Variants in DCDC2C observed in about 807,000 individuals in gnomAD.
DCDC2C encodes doublecortin domain-containing protein 2C.
In DCDC2C, 44 loss-of-function variants were observed where a neutral mutation model predicts 45.0. That is an observed-to-expected ratio of 0.98 (90% CI 0.77 to 1.26). The LOEUF (loss-of-function observed/expected upper bound fraction) is 1.26. Among genes scored for constraint, DCDC2C ranks in the 50% most tolerant of loss-of-function variants. The pLI is 0.00. For synonymous variants in DCDC2C, 187 were observed against 178.8 expected, an observed-to-expected ratio of 1.05 and a Z score of -0.37; for missense variants, 447 against 468.9, an observed-to-expected ratio of 0.95 and a Z score of 0.43.
At chr2:3,766,308 A>ATG (rs1553275846) in intron 6 of DCDC2C, among the ~76,000 whole-genome samples, 5 of 149,980 alleles carry the variant, frequency 3.3e-5, no homozygotes, top group Admixed American at 2.0e-4. Context: ...ATACACACAC[A>ATG]CGCACACACA....
intron 10 of DCDC2C, among the ~76,000 whole-genome samples, chr2:3,794,465 T>C (rs971201254): frequency 1.3e-5 from 2 of 152,178 alleles, no homozygotes; most frequent in Admixed American, 6.5e-5. Context: ...GCTGCACCCA[T>C]TAACTCGTCA....
chr2:3,776,065 G>A (rs1670323065), intron 8 of DCDC2C, among the ~76,000 whole-genome samples: 1 of 152,184 alleles, frequency 6.6e-6, no homozygotes, highest in South Asian at 2.1e-4. Context: ...TAGAAGGAGA[G>A]GTCCGTCCTC....
chr2:3,829,185 T>G (rs747921491), intron 10 of DCDC2C, among the ~76,000 whole-genome samples: 18 of 152,164 alleles, frequency 1.2e-4, no homozygotes, highest in Admixed American at 2.0e-4. Flanking sequence ...CTTCACCGCT[T>G]CTTCTCAGTT....
At chr2:3,760,013 G>A (rs1184612474) in intron 6 of DCDC2C, among the ~76,000 whole-genome samples, 1 of 152,198 alleles carries the variant, frequency 6.6e-6, no homozygotes, top group African/African-American at 2.4e-5. Context: ...CTTAACATTC[G>A]AGTGGCTTGA....
chr2:3,756,981 A>T (rs2148133670), intron 6 of DCDC2C, among the ~76,000 whole-genome samples: 1 of 152,348 alleles, frequency 6.6e-6, no homozygotes, highest in African/African-American at 2.4e-5. Context: ...CACTGAGATT[A>T]CAAAAATGAT....
intron 10 of DCDC2C, among the ~76,000 whole-genome samples, chr2:3,836,037 G>C (rs962630686): frequency 6.6e-6 from 1 of 152,128 alleles, no homozygotes; most frequent in African/African-American, 2.4e-5. Flanking sequence ...AGCCACTGTG[G>C]CCAGCCAAAA....
At chr2:3,843,910 G>T (rs1572656026) in intron 10 of DCDC2C, among the ~76,000 whole-genome samples, 2 of 152,082 alleles carry the variant, frequency 1.3e-5, no homozygotes, top group Non-Finnish European at 2.9e-5. Context: ...CATTGCACTT[G>T]TAATACCCTA....
intron 4 of DCDC2C, among the ~76,000 whole-genome samples, chr2:3,750,859 G>C (rs767337139): frequency 6.6e-6 from 1 of 151,892 alleles, no homozygotes; most frequent in Non-Finnish European, 1.5e-5. Context: ...CACCGGTGTC[G>C]GCACATCTGC....
intron 10 of DCDC2C, among the ~76,000 whole-genome samples, chr2:3,836,584 G>A (rs868836492): frequency 6.6e-6 from 1 of 152,058 alleles, no homozygotes; most frequent in African/African-American, 2.4e-5. Flanking sequence ...ACTGGTCGGC[G>A]GGGCGCGGTG....
At chr2:3,828,212 A>C (rs887375193) in intron 10 of DCDC2C, among the ~76,000 whole-genome samples, 1 of 152,198 alleles carries the variant, frequency 6.6e-6, no homozygotes, top group African/African-American at 2.4e-5. Context: ...ACCTTGCCAG[A>C]TGGTTATTCT....
At chr2:3,840,252 G>T (rs761992952) in intron 10 of DCDC2C, among the ~76,000 whole-genome samples, 14 of 152,134 alleles carry the variant, frequency 9.2e-5, no homozygotes, top group Non-Finnish European at 1.8e-4. Flanking sequence ...TGGTTGTTTT[G>T]CAGAGAACAC....
intron 10 of DCDC2C, among the ~76,000 whole-genome samples, chr2:3,803,153 C>G (rs1010116307): frequency 6.6e-6 from 1 of 152,236 alleles, no homozygotes; most frequent in Admixed American, 6.5e-5. Context: ...AGATGTGGCT[C>G]TACCCCTGAT....
intron 5 of DCDC2C, 81 bp from the exon 6 acceptor site, chr2:3,754,511 G>T: frequency 7.0e-7 from 1 of 1,421,852 alleles, no homozygotes; most frequent in South Asian, 1.3e-5. Flanking sequence ...CCCTCCTAAA[G>T]ACAAGGCTGC....
At chr2:3,839,647 C>A (rs1209293160) in intron 10 of DCDC2C, among the ~76,000 whole-genome samples, 1 of 152,158 alleles carries the variant, frequency 6.6e-6, no homozygotes, top group Non-Finnish European at 1.5e-5. Flanking sequence ...TCCCTCTGCT[C>A]CAATTTTCAG....
At chr2:3,739,303 G>A (rs1020558732) in intron 3 of DCDC2C, among the ~76,000 whole-genome samples, 2 of 152,194 alleles carry the variant, frequency 1.3e-5, no homozygotes, top group African/African-American at 4.8e-5. Flanking sequence ...GGAGGGCATG[G>A]TCCCTGGCTA....
chr2:3,804,613 A>C (rs1244894838), intron 10 of DCDC2C, among the ~76,000 whole-genome samples: 1 of 152,248 alleles, frequency 6.6e-6, no homozygotes, highest in East Asian at 1.9e-4. Flanking sequence ...AAAAGTAAGC[A>C]TTTTGATTTA....
chr2:3,773,835 C>T (rs935064979), intron 8 of DCDC2C, among the ~76,000 whole-genome samples: 1 of 152,186 alleles, frequency 6.6e-6, no homozygotes, highest in Non-Finnish European at 1.5e-5. Context: ...CTGTGCAAAC[C>T]CCAGGTCTTC....
intron 10 of DCDC2C, among the ~76,000 whole-genome samples, chr2:3,816,557 A>G (rs1214404329): frequency 6.6e-6 from 1 of 152,186 alleles, no homozygotes; most frequent in African/African-American, 2.4e-5. Context: ...AGTGAGATTG[A>G]TAGTGTGGTG....
At chr2:3,749,649 T>G (rs1669480142) in intron 4 of DCDC2C, among the ~76,000 whole-genome samples, 1 of 152,196 alleles carries the variant, frequency 6.6e-6, no homozygotes, top group Non-Finnish European at 1.5e-5. Context: ...CCTGAACCGT[T>G]TGTTCCTCCA....
Sources: gnomAD v4.1 joint callset for allele counts (sites outside exome capture counted in the v4.1 genomes callset) on GRCh38, gnomAD v4.1.1 for gene constraint, MANE v1.5 for transcripts, NCBI Gene and HGNC (gene_info 2026-07-23, HGNC 2026-07-21) for gene names.